The following BMP6 variants were observed in gnomAD, a reference collection of about 807,000 sequenced individuals.
The protein encoded by BMP6 is bone morphogenetic protein 6.
Under a neutral mutation model 54.1 loss-of-function variants are expected in BMP6, and 17 were observed. That is an observed-to-expected ratio of 0.31 (90% CI 0.22 to 0.47). The LOEUF is 0.47. BMP6 is among the 20% of genes least tolerant of loss of function. The pLI, the probability that BMP6 is intolerant of heterozygous loss-of-function variation, is 1.00. For missense variants in BMP6, 720 were observed against 690.4 expected (o/e 1.04, Z -0.48); for synonymous variants, 328 against 291.2 (o/e 1.13, Z -1.28).
At chr6:7,810,911 T>A (rs555161013) in intron 1 of BMP6, among the ~76,000 whole-genome samples, 2 of 152,004 alleles carry the variant, frequency 1.3e-5, no homozygotes, top group Admixed American at 1.3e-4. Context: ...AACAGTGGAG[T>A]CAGTTGGGGC....
At chr6:7,784,291 T>A (rs1350179346) in intron 1 of BMP6, among the ~76,000 whole-genome samples, 2 of 152,222 alleles carry the variant, frequency 1.3e-5, no homozygotes, top group Middle Eastern at 3.2e-3. Flanking sequence ...CTGCCCTTCT[T>A]ATTATCTAAG....
intron 1 of BMP6, among the ~76,000 whole-genome samples, chr6:7,770,757 T>A (rs1333352661): frequency 1.3e-5 from 2 of 152,254 alleles, no homozygotes; most frequent in Non-Finnish European, 2.9e-5. Flanking sequence ...GGGAAATCTG[T>A]GCAGTCAGCA....
intron 1 of BMP6, among the ~76,000 whole-genome samples, chr6:7,844,604 C>A (rs1285114577): frequency 1.3e-5 from 2 of 151,984 alleles, no homozygotes. Context: ...GCTTTGCCCA[C>A]CCCCCTTCCC....
intron 1 of BMP6, among the ~76,000 whole-genome samples, chr6:7,733,658 A>G (rs775611777): frequency 1.2e-4 from 19 of 152,110 alleles, no homozygotes; most frequent in Non-Finnish European, 2.8e-4. Context: ...TGTTGTTCTT[A>G]TTTCCCTGTT....
intron 2 of BMP6, among the ~76,000 whole-genome samples, chr6:7,847,868 T>G (rs1759089576): frequency 6.6e-6 from 1 of 152,162 alleles, no homozygotes; most frequent in African/African-American, 2.4e-5. Flanking sequence ...AGACGGTACT[T>G]TTAGTAAGAA....
chr6:7,879,935 A>C, intron 5 of BMP6, 56 bp from the exon 6 acceptor site: 1 of 1,531,130 alleles, frequency 6.5e-7, no homozygotes, highest in South Asian at 1.1e-5. Flanking sequence ...TGAAAAGCAC[A>C]AATAGTGTGA....
At chr6:7,770,505 G>A (rs1483521005) in intron 1 of BMP6, among the ~76,000 whole-genome samples, 1 of 152,158 alleles carries the variant, frequency 6.6e-6, no homozygotes, top group Non-Finnish European at 1.5e-5. Context: ...CTGGACATAG[G>A]TTGGGACTGG....
intron 2 of BMP6, among the ~76,000 whole-genome samples, chr6:7,858,655 A>C (rs1333953428): frequency 6.6e-6 from 1 of 151,910 alleles, no homozygotes; most frequent in Non-Finnish European, 1.5e-5. Context: ...CAGCTGTAGA[A>C]GAGATGACAT....
chr6:7,747,217 G>A (rs1337337440), intron 1 of BMP6, among the ~76,000 whole-genome samples: 4 of 152,224 alleles, frequency 2.6e-5, no homozygotes, highest in East Asian at 1.9e-4. Flanking sequence ...CGTGGGCTTC[G>A]CCTCCTGGTG....
intron 1 of BMP6, among the ~76,000 whole-genome samples, chr6:7,822,155 G>A (rs908968072): frequency 3.9e-5 from 6 of 152,086 alleles, no homozygotes; most frequent in African/African-American, 1.4e-4. Context: ...CGAGTAGCTG[G>A]GGTTACAGTC....
At chr6:7,753,725 C>T (rs930731667) in intron 1 of BMP6, among the ~76,000 whole-genome samples, 2 of 152,184 alleles carry the variant, frequency 1.3e-5, no homozygotes, top group Non-Finnish European at 2.9e-5. Flanking sequence ...GCTATACAGC[C>T]TTTTCTAAAT....
At chr6:7,732,817 A>C (rs1186152393) in intron 1 of BMP6, among the ~76,000 whole-genome samples, 1 of 152,222 alleles carries the variant, frequency 6.6e-6, no homozygotes, top group African/African-American at 2.4e-5. Context: ...ATCATGAAGC[A>C]GCTTTCTGTA....
intron 1 of BMP6, among the ~76,000 whole-genome samples, chr6:7,784,823 G>T (rs577779093): frequency 6.6e-6 from 1 of 152,154 alleles, no homozygotes; most frequent in Non-Finnish European, 1.5e-5. Context: ...TCCCCAAGGA[G>T]CTTGGCAGCC....
intron 1 of BMP6, among the ~76,000 whole-genome samples, chr6:7,750,360 T>G (rs1296298695): frequency 1.3e-5 from 2 of 152,090 alleles, no homozygotes; most frequent in African/African-American, 4.8e-5. Flanking sequence ...GATAGAGATA[T>G]GTTTGGGGGA....
chr6:7,807,067 C>T (rs1208463682), intron 1 of BMP6, among the ~76,000 whole-genome samples: 1 of 152,190 alleles, frequency 6.6e-6, no homozygotes, highest in Non-Finnish European at 1.5e-5. Context: ...TCTCTTGCTT[C>T]AGATTGTCAA....
chr6:7,814,955 G>A (rs185444260), intron 1 of BMP6, among the ~76,000 whole-genome samples: 33 of 152,186 alleles, frequency 2.2e-4, no homozygotes, highest in Admixed American at 1.2e-3. Context: ...TGCACATTCT[G>A]CACATGTATC....
At chr6:7,878,326 TAA>T (rs1274374121) in intron 4 of BMP6, among the ~76,000 whole-genome samples, 4 of 152,200 alleles carry the variant, frequency 2.6e-5, no homozygotes, top group East Asian at 3.9e-4. Flanking sequence ...GCATGTCACG[TAA>T]GAGTCGCTCC....
chr6:7,836,354 C>T (rs536068651), intron 1 of BMP6, among the ~76,000 whole-genome samples: 62 of 152,166 alleles, frequency 4.1e-4, no homozygotes, highest in South Asian at 6.2e-4. Flanking sequence ...ATTGTGGCAA[C>T]GGAGGATTTC....
intron 1 of BMP6, among the ~76,000 whole-genome samples, chr6:7,732,561 C>T (rs996912723): frequency 3.3e-5 from 5 of 152,196 alleles, no homozygotes; most frequent in Admixed American, 2.6e-4. Context: ...ATGCTCAGTG[C>T]TTGCTTTAGC....
Sources: gnomAD v4.1 joint callset for allele counts (sites outside exome capture counted in the v4.1 genomes callset) on GRCh38, gnomAD v4.1.1 for gene constraint, MANE v1.5 for transcripts, NCBI Gene and HGNC (gene_info 2026-07-23, HGNC 2026-07-21) for gene names.